ABTB3: variants seen among roughly 807,000 people sequenced by gnomAD.
The protein encoded by ABTB3 is ankyrin repeat- and BTB/POZ domain-containing protein 3.
the ABTB3 span, among the ~76,000 whole-genome samples, chr12:107,327,899 G>A: frequency 5.3e-5 from 8 of 152,220 alleles, no homozygotes; most frequent in Non-Finnish European, 1.0e-4. Flanking sequence ...GTCTGTGGAA[G>A]TTGATGAAAG....
chr12:107,522,431 T>C, the ABTB3 span, among the ~76,000 whole-genome samples: 1 of 152,148 alleles, frequency 6.6e-6, no homozygotes, highest in African/African-American at 2.4e-5. Context: ...TTCAGCAGTT[T>C]TTAGTATATT....
At chr12:107,496,202 G>A in the ABTB3 span, among the ~76,000 whole-genome samples, 27 of 152,178 alleles carry the variant, frequency 1.8e-4, no homozygotes, top group East Asian at 4.8e-3. Flanking sequence ...CTATTCTAGC[G>A]CTGCCTGCAT....
chr12:107,499,423 A>C, the ABTB3 span, among the ~76,000 whole-genome samples: 8 of 152,184 alleles, frequency 5.3e-5, no homozygotes, highest in East Asian at 1.5e-3. Flanking sequence ...GATTGTAAAA[A>C]TTCTCACCTA....
At chr12:107,432,558 G>T in the ABTB3 span, among the ~76,000 whole-genome samples, 1 of 152,174 alleles carries the variant, frequency 6.6e-6, no homozygotes, top group African/African-American at 2.4e-5. Flanking sequence ...AAATATTTAT[G>T]GTGGTGCCAG....
the ABTB3 span, among the ~76,000 whole-genome samples, chr12:107,364,716 C>T: frequency 3.0e-4 from 45 of 152,228 alleles, no homozygotes; most frequent in East Asian, 7.4e-3. Flanking sequence ...CCAGAAGCAG[C>T]GGGACACCAG....
chr12:107,618,256 C>T, the ABTB3 span: 9 of 1,613,754 alleles, frequency 5.6e-6, no homozygotes, highest in South Asian at 3.3e-5. Context: ...CTGGCGGAGA[C>T]AGCCCCGCCC....
chr12:107,624,079 G>A, the ABTB3 span, among the ~76,000 whole-genome samples: 1 of 152,140 alleles, frequency 6.6e-6, no homozygotes, highest in Non-Finnish European at 1.5e-5. Flanking sequence ...AGGAAAAAGT[G>A]TAGGAGATAA....
At chr12:107,558,843 T>C in the ABTB3 span, among the ~76,000 whole-genome samples, 1 of 152,240 alleles carries the variant, frequency 6.6e-6, no homozygotes. Context: ...GGAGATGTTC[T>C]GGGGCTTGCC....
the ABTB3 span, among the ~76,000 whole-genome samples, chr12:107,517,176 G>T: frequency 7.2e-5 from 11 of 152,124 alleles, no homozygotes; most frequent in Admixed American, 6.5e-4. Context: ...TCAGATGGTT[G>T]TAGATGTGTG....
chr12:107,470,675 G>T, the ABTB3 span, among the ~76,000 whole-genome samples: 32 of 152,306 alleles, frequency 2.1e-4, no homozygotes, highest in African/African-American at 6.5e-4. Context: ...TATCATGATT[G>T]CTAATTAAAG....
chr12:107,474,545 G>T, the ABTB3 span, among the ~76,000 whole-genome samples: 1 of 152,174 alleles, frequency 6.6e-6, no homozygotes, highest in Non-Finnish European at 1.5e-5. Context: ...GGGAAAGTGG[G>T]CTGTACCTGG....
chr12:107,332,506 T>G, the ABTB3 span, among the ~76,000 whole-genome samples: 2 of 152,146 alleles, frequency 1.3e-5, no homozygotes, highest in African/African-American at 4.8e-5. Flanking sequence ...TCTCGGTGCC[T>G]GTTCCTAACC....
the ABTB3 span, chr12:107,319,627 C>T: frequency 3.3e-6 from 5 of 1,536,928 alleles, no homozygotes; most frequent in African/African-American, 5.5e-5. Flanking sequence ...CGCTGCGCAT[C>T]CACGAGCACG....
chr12:107,463,848 C>T, the ABTB3 span, among the ~76,000 whole-genome samples: 1 of 152,196 alleles, frequency 6.6e-6, no homozygotes, highest in Admixed American at 6.5e-5. Flanking sequence ...CCCTTTCAAT[C>T]TTTGCTTTTA....
At chr12:107,377,307 A>C in the ABTB3 span, among the ~76,000 whole-genome samples, 2 of 152,068 alleles carry the variant, frequency 1.3e-5, no homozygotes, top group Non-Finnish European at 2.9e-5. Flanking sequence ...TTGAGACTGC[A>C]TCACAGTCTA....
At chr12:107,352,514 G>C in the ABTB3 span, among the ~76,000 whole-genome samples, 3 of 152,118 alleles carry the variant, frequency 2.0e-5, no homozygotes, top group Non-Finnish European at 4.4e-5. Flanking sequence ...GGGCAGGGCT[G>C]TGCTAGCTGT....
the ABTB3 span, among the ~76,000 whole-genome samples, chr12:107,605,785 A>T: frequency 6.6e-6 from 1 of 152,322 alleles, no homozygotes. Flanking sequence ...TATCTCAGAG[A>T]TGGATGCTGG....
At chr12:107,354,383 C>T in the ABTB3 span, among the ~76,000 whole-genome samples, 5 of 152,116 alleles carry the variant, frequency 3.3e-5, no homozygotes, top group African/African-American at 1.2e-4. Context: ...CAGTCATACT[C>T]CCCCAATTCC....
chr12:107,429,837 T>C, the ABTB3 span, among the ~76,000 whole-genome samples: 1 of 152,364 alleles, frequency 6.6e-6, no homozygotes, highest in Middle Eastern at 3.4e-3. Flanking sequence ...GGATGTGACC[T>C]TTTGAGATAC....
Sources: gnomAD v4.1 joint callset for allele counts (sites outside exome capture counted in the v4.1 genomes callset) on GRCh38, gnomAD v4.1.1 for gene constraint, MANE v1.5 for transcripts, NCBI Gene and HGNC (gene_info 2026-07-23, HGNC 2026-07-21) for gene names.